The following GRIA3 variants were observed in gnomAD, a reference collection of about 807,000 sequenced individuals.
The protein encoded by GRIA3 is glutamate receptor 3.
GRIA3 carries 3 observed loss-of-function variants against 63.0 expected under a neutral mutation model. The observed-to-expected ratio is 0.05, with a 90% CI of 0.02 to 0.12. GRIA3 has a LOEUF of 0.12. GRIA3 is among the 10% of genes least tolerant of loss of function. The pLI, the probability that GRIA3 is intolerant of heterozygous loss-of-function variation, is 1.00. For synonymous variants in GRIA3, 274 were observed against 257.9 expected, an observed-to-expected ratio of 1.06 and a Z score of -0.60; for missense variants, 347 against 700.9, an observed-to-expected ratio of 0.50 and a Z score of 5.70.
At chrX:123,411,069 T>C (rs2045502860) in intron 10 of GRIA3, among the ~76,000 whole-genome samples, 1 of 111,838 alleles carries the variant, frequency 8.9e-6, no homozygotes, top group Non-Finnish European at 1.9e-5. Flanking sequence ...CATAGAGTAC[T>C]GCCAATAAAT....
chrX:123,304,314 A>G (rs2044742168), intron 3 of GRIA3, among the ~76,000 whole-genome samples: 2 of 111,387 alleles, frequency 1.8e-5, no homozygotes, highest in Non-Finnish European at 1.9e-5. Context: ...TCCCTTTACA[A>G]TTTCCAAGCA....
intron 12 of GRIA3, among the ~76,000 whole-genome samples, chrX:123,433,494 A>G (rs1414063378): frequency 8.9e-6 from 1 of 111,960 alleles, no homozygotes; most frequent in African/African-American, 3.2e-5. Context: ...TATCACATAT[A>G]AGAAGTCAAT....
intron 5 of GRIA3, among the ~76,000 whole-genome samples, chrX:123,368,810 T>A (rs1389489144): frequency 1.8e-5 from 2 of 109,357 alleles, no homozygotes; most frequent in African/African-American, 6.7e-5. Flanking sequence ...GGCCAAGAGC[T>A]AGGAAACTCT....
chrX:123,486,982 G>A (rs1016039701), intron 15 of GRIA3, among the ~76,000 whole-genome samples: 30 of 112,398 alleles, frequency 2.7e-4, no homozygotes, highest in African/African-American at 7.4e-4. Flanking sequence ...TGAGGGAGTC[G>A]TTTCTCATTT....
chrX:123,313,633 G>T (rs2044812783), intron 3 of GRIA3, among the ~76,000 whole-genome samples: 1 of 111,353 alleles, frequency 9.0e-6, no homozygotes, highest in South Asian at 3.8e-4. Flanking sequence ...TCTTGGCCTT[G>T]CTTTTTAAAA....
intron 13 of GRIA3, among the ~76,000 whole-genome samples, chrX:123,466,584 C>T (rs376946362): frequency 9.0e-6 from 1 of 111,637 alleles, no homozygotes; most frequent in African/African-American, 3.3e-5. Context: ...CTCTTTGGAG[C>T]TAGAATGAAT....
rs73229291 is a variant in GRIA3, at chrX:123,392,087, A to G, written c.751-2881A>G. Reference sequence around the variant, plus strand: ...AGTAGAATGCTCAGGTTGGGGCTGAAGTGGCTGTGCTGCAGCCCTACTGCT... The same window carrying G: ...AGTAGAATGCTCAGGTTGGGGCTGAGGTGGCTGTGCTGCAGCCCTACTGCT... On this transcript the variant is annotated intron_variant, in intron 5 of 15. Transcript: ENST00000620443. Among the ~76,000 whole-genome samples the G allele has an allele frequency of 9.8e-3, 1,098 of 112,351 alleles. 12 individuals are homozygous for G. Among genetic ancestry groups the G allele is most frequent in the Non-Finnish European group, 0.015 (797 of 53,195 alleles).
intron 10 of GRIA3, among the ~76,000 whole-genome samples, chrX:123,414,420 C>A (rs1239482681): frequency 8.9e-6 from 1 of 111,932 alleles, no homozygotes; most frequent in East Asian, 2.8e-4. Flanking sequence ...TTTTCTTTTT[C>A]TTTTTTATTT....
At chrX:123,220,143 G>C (rs1203293464) in intron 2 of GRIA3, among the ~76,000 whole-genome samples, 2 of 112,106 alleles carry the variant, frequency 1.8e-5, no homozygotes, top group Non-Finnish European at 3.8e-5. Context: ...AAATTATCTA[G>C]TCCACCTGAG....
chrX:123,334,690 T>C (rs1296794619), intron 4 of GRIA3, among the ~76,000 whole-genome samples: 1 of 111,168 alleles, frequency 9.0e-6, no homozygotes, highest in Non-Finnish European at 1.9e-5. Context: ...TTTTTGAGAG[T>C]CGTTGGGATG....
intron 2 of GRIA3, chrX:123,202,807 G>A: frequency 8.7e-7 from 1 of 1,143,724 alleles, no homozygotes; most frequent in South Asian, 2.0e-5. Flanking sequence ...TTTGAAATCA[G>A]CAAGGTGGAA....
At chrX:123,470,680 A>G (rs919250906) in intron 13 of GRIA3, among the ~76,000 whole-genome samples, 1 of 112,104 alleles carries the variant, frequency 8.9e-6, no homozygotes, top group African/African-American at 3.2e-5. Context: ...ATTGGTATAC[A>G]TGAGATCTTC....
chrX:123,370,995 CT>C (rs755251186), intron 5 of GRIA3, among the ~76,000 whole-genome samples: 8 of 109,260 alleles, frequency 7.3e-5, no homozygotes, highest in African/African-American at 2.3e-4. Context: ...TTCATTCTAA[CT>C]TTTTTTTTAT....
intron 2 of GRIA3, among the ~76,000 whole-genome samples, chrX:123,246,259 A>T (rs972839490): frequency 5.3e-5 from 6 of 112,208 alleles, no homozygotes; most frequent in African/African-American, 1.9e-4. Context: ...GCTGTAAAAA[A>T]TTACCACAAA....
intron 5 of GRIA3, among the ~76,000 whole-genome samples, chrX:123,378,035 C>T (rs928959360): frequency 2.0e-4 from 22 of 112,106 alleles, no homozygotes; most frequent in African/African-American, 6.2e-4. Flanking sequence ...CCCTATTTCA[C>T]TTCACTTTTA....
At chrX:123,250,468 G>A (rs1329768653) in intron 2 of GRIA3, among the ~76,000 whole-genome samples, 1 of 111,628 alleles carries the variant, frequency 9.0e-6, no homozygotes, top group African/African-American at 3.3e-5. Flanking sequence ...CATGGCTATA[G>A]TTTTCCTTCT....
chrX:123,388,309 A>T (rs2045365120), intron 5 of GRIA3, among the ~76,000 whole-genome samples: 1 of 110,605 alleles, frequency 9.0e-6, no homozygotes, highest in African/African-American at 3.3e-5. Context: ...ACAGTGGTTC[A>T]CTCTTGGCTC....
chrX:123,253,759 C>A, intron 3 of GRIA3: 1 of 402,669 alleles, frequency 2.5e-6, no homozygotes, highest in Non-Finnish European at 4.3e-6. Flanking sequence ...CCTGAAAAAG[C>A]AGTTTGGAAT....
rs748035674 is a variant in GRIA3 at position 123,357,618 on chromosome X, C to A, written c.750+2655C>A. On this transcript the variant is annotated intron_variant, in intron 5 of 15. Transcript: ENST00000620443. ...TTTATTGCAATTTTGAGATCCAGAC[C>A]TGACAAAAATTAAAGTCTATGGAGT... Among the ~76,000 whole-genome samples, 5 of 109,299 alleles carry A rather than the reference C, an allele frequency of 4.6e-5. No individual in the cohort carries two copies. The East Asian group carries it at 1.4e-3, about 31-fold the overall frequency. The allele number at this position is 109,299 out of a possible 115,157, so 94.9% of individuals were successfully genotyped here.
Sources: allele counts gnomAD v4.1 joint callset (sites outside exome capture counted in the v4.1 genomes callset), GRCh38; gene constraint gnomAD v4.1.1; transcripts MANE v1.5; gene names NCBI Gene and HGNC (gene_info 2026-07-23, HGNC 2026-07-21).